The following FAM161B variants were observed in gnomAD, a reference collection of about 807,000 sequenced individuals.
The protein encoded by FAM161B is FAM161 centrosomal protein B.
FAM161B carries 46 observed loss-of-function variants against 61.5 expected under a neutral mutation model. The observed-to-expected ratio is 0.75, with a 90% CI of 0.59 to 0.96. FAM161B has a LOEUF of 0.96. Ranked by LOEUF, FAM161B falls within the 40% of genes least tolerant of loss-of-function variation. The pLI is 0.00. For missense variants in FAM161B, 774 were observed against 800.7 expected, an observed-to-expected ratio of 0.97 and a Z score of 0.40; for synonymous variants, 284 against 302.7, an observed-to-expected ratio of 0.94 and a Z score of 0.64.
rs2055950445 is a variant in FAM161B, at chr14:73,934,132, CTACTCTTCATT to C, written c.*113_*123del. ...CCACTGCGCCTGGCCTGTTAATCTG[CTACTCTTCATT>C]TGTCCATCCTCTAACAGTAGCCATG... On this transcript the variant is annotated 3_prime_UTR_variant, in exon 9 of 9. Transcript: ENST00000286544. The C allele has an allele frequency of 3.3e-6, 4 of 1,200,208 alleles. No homozygotes were observed. In the East Asian group the frequency reaches 1.0e-4, roughly 31 times the overall value. The allele number at this position is 1,200,208 out of a possible 1,614,324, so 74.3% of individuals were successfully genotyped here.
Position 73,944,583 on chromosome 14 carries a change from T to C in FAM161B, c.677A>G (p.Tyr226Cys), listed in dbSNP as rs200339863. The C allele has an allele frequency of 1.9e-6, 3 of 1,613,992 alleles. No individual in the cohort carries two copies. The highest frequency in any genetic ancestry group is 2.7e-5 in the African/African-American group (2 of 75,012). Reference sequence around the variant, plus strand: ...CATGATCTCTTGGTAGAGGGGCAGGTAGACATGTGCAGGCACAGGCTGTGC... The same window carrying C: ...CATGATCTCTTGGTAGAGGGGCAGGCAGACATGTGCAGGCACAGGCTGTGC... ...FRAQPVPAHV[Y>C]LPLYQEIMER... Residue 226 changes from tyrosine to cysteine, a missense_variant, in exon 3 of 9, where the codon TAC becomes TGC. Physicochemically the swap from Tyr to Cys is radical, Grantham distance 194. Transcript: ENST00000286544.
At chr14:73,925,433 CTT>C in the FAM161B span, among the ~76,000 whole-genome samples, 17 of 144,380 alleles carry the variant, frequency 1.2e-4, no homozygotes, top group East Asian at 1.4e-3. Context: ...CTAACTTTGA[CTT>C]TTTTTTTTTT....
chr14:73,944,692 C>T lies in FAM161B; in HGVS notation c.568G>A (p.Gly190Ser), dbSNP rs149251081. The change falls in exon 3 of 9, where the codon GGC becomes AGC. Residue 190 changes from glycine (G) to serine (S), a missense_variant. Gly to Ser is a moderately conservative substitution (Grantham distance 56, BLOSUM62 0). Transcript: ENST00000286544. ...REARKKAEWL[G>S]SPASFEQERQ... The stretch of plus-strand genomic sequence containing the variant: ...TCCTGCTCAAAGGAGGCAGGTGAGC[C>T]CAGCCACTCGGCCTTCTTCCGGGCC... 4.7e-5 allele frequency: 75 copies of T among 1,607,996 alleles called. No homozygotes were observed. In the African/African-American group the frequency reaches 9.4e-4, roughly 20 times the overall value.
rs780299704 is a variant in FAM161B, at chr14:73,934,214, C to T, written c.*42G>A. On this transcript the variant is annotated 3_prime_UTR_variant, in exon 9 of 9. Transcript: ENST00000286544. ...CTGCCTTGACTCAAACCCAAGTTAG[C>T]TGCTTAATATTTTTCAAAAGCAGTA... The T allele has an allele frequency of 6.3e-7, 1 of 1,595,294 alleles. No individual in the cohort carries two copies. Among genetic ancestry groups the T allele is most frequent in the South Asian group, 1.1e-5 (1 of 88,252 alleles).
At chr14:73,924,279 C>G in the FAM161B span, among the ~76,000 whole-genome samples, 1 of 152,128 alleles carries the variant, frequency 6.6e-6, no homozygotes, top group African/African-American at 2.4e-5. Flanking sequence ...CTATGAGAAT[C>G]TGTTGCTGCT....
At chr14:73,924,126 C>T in the FAM161B span, among the ~76,000 whole-genome samples, 2 of 152,164 alleles carry the variant, frequency 1.3e-5, no homozygotes, top group African/African-American at 4.8e-5. Flanking sequence ...TAAGTGAGAA[C>T]CATTACCTAA....
At chr14:73,924,191 T>C in the FAM161B span, among the ~76,000 whole-genome samples, 1 of 152,236 alleles carries the variant, frequency 6.6e-6, no homozygotes, top group South Asian at 2.1e-4. Flanking sequence ...TCACCTCAGG[T>C]CATCAGGCAT....
the FAM161B span, among the ~76,000 whole-genome samples, chr14:73,925,490 C>T: frequency 2.6e-5 from 4 of 151,276 alleles, no homozygotes; most frequent in Admixed American, 6.6e-5. Flanking sequence ...TGCAGTGGTG[C>T]GATCTCAGCT....
At position 73,937,971 on chromosome 14, in the gene FAM161B, G is replaced by C. The variant is rs201991588; in HGVS notation, c.1542C>G (p.Phe514Leu). Residue 514 changes from phenylalanine to leucine, a missense_variant, in exon 6 of 9, where the codon TTC (phenylalanine) becomes TTG (leucine). Transcript: ENST00000286544. ...MDPHKSLEEV[F>L]KAKLKENRNN... The stretch of plus-strand genomic sequence containing the variant: ...ACCGGTTCTCTTTCAGCTTTGCTTT[G>C]AACACTTCCTCCAGGCTTTTATGGG... The C allele has an allele frequency of 5.0e-6, 8 of 1,614,076 alleles. No individual in the cohort carries two copies. The highest frequency in any genetic ancestry group is 1.3e-5 in the African/African-American group (1 of 74,922).
In FAM161B at chr14:73,933,084, T is replaced by C. The variant is rs1263251385; in HGVS notation, c.*1172A>G. On this transcript the variant is annotated 3_prime_UTR_variant, in exon 9 of 9. Coordinates refer to ENST00000286544, the MANE Select transcript of FAM161B (RefSeq NM_152445.3). ...AAACAGATAACGGGAGAGAATTGTT[T>C]TAAATTCTTAATTTGTTAATGACAT... The C allele has an allele frequency of 1.3e-5, 2 of 152,616 alleles. No individual in the cohort carries two copies. Among genetic ancestry groups the C allele is most frequent in the African/African-American group, 4.8e-5 (2 of 41,452 alleles). The allele number at this position is 152,616 out of a possible 1,614,324, so 9.5% of individuals were successfully genotyped here. A position where few individuals can be genotyped will look rare whatever the true frequency, so the allele number is the denominator to read the frequency against.
chr14:73,931,481 A>T, downstream of FAM161B: 3 of 1,604,628 alleles, frequency 1.9e-6, no homozygotes, highest in Non-Finnish European at 2.6e-6. Context: ...CCTATTCTAG[A>T]TTTGCTTTCA....
chr14:73,936,799 A>G (rs1187703963), intron 7 of FAM161B, among the ~76,000 whole-genome samples: 4 of 152,146 alleles, frequency 2.6e-5, no homozygotes, highest in Admixed American at 6.6e-5. Context: ...TGCCTAGACA[A>G]TGTACTAACT....
intron 7 of FAM161B, among the ~76,000 whole-genome samples, chr14:73,936,700 C>T (rs1442056893): frequency 6.6e-6 from 1 of 152,112 alleles, no homozygotes; most frequent in African/African-American, 2.4e-5. Flanking sequence ...TTGAACAATG[C>T]AGGTTGCTAA....
In FAM161B at chr14:73,944,615, C is replaced by T. The variant is rs1168718413; in HGVS notation, c.645G>A (p.Gln215=). ...GTGCAGGCACAGGCTGTGCCCGGAA[C>T]TGCCTGTGGCACTCGGCCTCTTCCT... ...QGEEEAECHR[Q]FRAQPVPAHV... Residue 215 remains glutamine, a synonymous_variant, in exon 3 of 9, where the codon CAG becomes CAA. Transcript: ENST00000286544. The T allele has an allele frequency of 6.2e-7, 1 of 1,613,958 alleles. No homozygotes were observed. The highest frequency in any genetic ancestry group is 8.5e-7 in the Non-Finnish European group (1 of 1,180,028).
At chr14:73,931,595 A>G (rs1186293820), downstream of FAM161B, 11 of 1,550,982 alleles carry the variant, frequency 7.1e-6, no homozygotes, top group East Asian at 2.0e-4. Context: ...AAATGCGTAT[A>G]CTGGGAACAG....
At chr14:73,941,108 C>CTTTT (rs11358501) in intron 4 of FAM161B, 55 bp from the exon 5 acceptor site, 73 of 956,568 alleles carry the variant, frequency 7.6e-5, no homozygotes, top group South Asian at 2.4e-4. Context: ...TAGTTTCTAT[C>CTTTT]TTTTTTTTTT....
Position 73,946,381 on chromosome 14 carries a change from A to C in FAM161B, c.279T>G (p.Ser93Arg). Residue 93 changes from serine (S) to arginine (R), a missense_variant, in exon 2 of 9, where the codon AGT becomes AGG. Ser to Arg is a moderately radical substitution (Grantham distance 110). Transcript: ENST00000286544. The stretch of plus-strand genomic sequence containing the variant: ...CCTCATCTTCAGAGAGGTTTTCATC[A>C]CTCTCTGGGTCAGACTGAAAGAGAG... Reference protein sequence around the residue: ...LESLFQSDPESDENLSEDEED... With the variant: ...LESLFQSDPERDENLSEDEED... 6.2e-7 allele frequency: 1 copy of C among 1,613,888 alleles called. No individual in the cohort carries two copies. The highest frequency in any genetic ancestry group is 8.5e-7 in the Non-Finnish European group (1 of 1,179,982).
the FAM161B span, among the ~76,000 whole-genome samples, chr14:73,923,899 G>A: frequency 1.3e-5 from 2 of 152,208 alleles, no homozygotes; most frequent in South Asian, 2.1e-4. Context: ...GGCCTGGCCT[G>A]TGTAAATTGG....
intron 3 of FAM161B, among the ~76,000 whole-genome samples, chr14:73,942,934 CTTT>C (rs370825137): frequency 1.7e-3 from 250 of 146,302 alleles, no homozygotes; most frequent in African/African-American, 5.9e-3. Context: ...AACCAGCTTC[CTTT>C]TTTTTTTTTC....
Sources: gnomAD v4.1 joint callset for allele counts (sites outside exome capture counted in the v4.1 genomes callset) on GRCh38, gnomAD v4.1.1 for gene constraint, MANE v1.5 for transcripts, NCBI Gene and HGNC (gene_info 2026-07-23, HGNC 2026-07-21) for gene names.